The following KREMEN1 variants were observed in gnomAD, a reference collection of about 807,000 sequenced individuals.
KREMEN1 encodes the protein kremen protein 1.
Under a neutral mutation model 46.5 loss-of-function variants are expected in KREMEN1, and 30 were observed. The observed-to-expected ratio is 0.65, with a 90% CI of 0.48 to 0.88. The LOEUF (loss-of-function observed/expected upper bound fraction) is 0.88. Ranked by LOEUF, KREMEN1 falls within the 40% of genes least tolerant of loss-of-function variation. The pLI, the probability that KREMEN1 is intolerant of heterozygous loss-of-function variation, is 0.00. For missense variants in KREMEN1, 533 were observed against 596.9 expected (o/e 0.89, Z 1.11); for synonymous variants, 214 against 230.6 (o/e 0.93, Z 0.65).
intron 4 of KREMEN1, 151 bp downstream of exon 4, chr22:29,121,632 G>T: frequency 1.1e-6 from 1 of 934,502 alleles, no homozygotes; most frequent in South Asian, 1.7e-5. Context: ...GTCTAGAATA[G>T]GCAAATCCAT....
chr22:29,115,443 A>AC (rs1556008418), intron 3 of KREMEN1, among the ~76,000 whole-genome samples: 1 of 32,436 alleles, frequency 3.1e-5, no homozygotes, highest in East Asian at 3.3e-4. Flanking sequence ...AATAAAAAAA[A>AC]AAAAAACCAG....
downstream of KREMEN1, among the ~76,000 whole-genome samples, chr22:29,151,698 T>C (rs2038916302): frequency 6.6e-6 from 1 of 152,166 alleles, no homozygotes; most frequent in South Asian, 2.1e-4. Flanking sequence ...TTTTGATTTT[T>C]TCCCCCCAAA....
At chr22:29,156,616 C>T (rs1314008661) in intron 9 of KREMEN1, among the ~76,000 whole-genome samples, 5 of 152,144 alleles carry the variant, frequency 3.3e-5, no homozygotes, top group Non-Finnish European at 7.3e-5. Flanking sequence ...AAATGAGGTA[C>T]TAGGAACCCA....
chr22:29,159,911 G>A (rs2038995470), intron 9 of KREMEN1, among the ~76,000 whole-genome samples: 1 of 151,672 alleles, frequency 6.6e-6, no homozygotes, highest in Non-Finnish European at 1.5e-5. Flanking sequence ...AGGAGACCTG[G>A]ACTTTTTTTT....
intron 9 of KREMEN1, among the ~76,000 whole-genome samples, chr22:29,153,273 A>G (rs1387452255): frequency 1.3e-5 from 2 of 152,150 alleles, no homozygotes; most frequent in Admixed American, 1.3e-4. Flanking sequence ...TTGTGAAGCC[A>G]GTCCTGCCGA....
intron 1 of KREMEN1, among the ~76,000 whole-genome samples, chr22:29,091,253 T>G (rs1601758913): frequency 2.0e-5 from 3 of 152,144 alleles, no homozygotes; most frequent in South Asian, 2.1e-4. Flanking sequence ...GATTACAGGC[T>G]TGAGCCACTG....
At chr22:29,162,022 G>A (rs1020081405) in intron 9 of KREMEN1, among the ~76,000 whole-genome samples, 1 of 151,970 alleles carries the variant, frequency 6.6e-6, no homozygotes, top group African/African-American at 2.4e-5. Context: ...GGAGGCTGAG[G>A]CAGGAGAATC....
At chr22:29,121,758 G>A (rs1249108665) in intron 4 of KREMEN1, among the ~76,000 whole-genome samples, 1 of 152,130 alleles carries the variant, frequency 6.6e-6, no homozygotes, top group Non-Finnish European at 1.5e-5. Flanking sequence ...GAATTAGATG[G>A]CAGTGACTGC....
Position 29,125,423 on chromosome 22 carries a change from A to G in KREMEN1, c.631+7A>G. ...AGGATCATCCTCTTTGATAGTGAGT[A>G]TGCCCTGTGCCCATCACTGCCCAAG... On this transcript the variant is annotated splice_region_variant and intron_variant, in intron 5 of 8. Coordinates refer to ENST00000400335, the MANE Select transcript of KREMEN1 (RefSeq NM_001039570.3). 1.2e-6 allele frequency: 2 copies of G among 1,614,040 alleles called. No individual in the cohort carries two copies. The highest frequency in any genetic ancestry group is 1.3e-5 in the African/African-American group (1 of 75,024).
intron 3 of KREMEN1, among the ~76,000 whole-genome samples, chr22:29,114,486 C>CAA (rs134685): frequency 0.41 from 35,685 of 87,722 alleles, 8,010 homozygotes; most frequent in Middle Eastern, 0.51. Flanking sequence ...AACTCCGTGT[C>CAA]AAAAAAAAAA....
intron 9 of KREMEN1, among the ~76,000 whole-genome samples, chr22:29,161,506 CAAAAAAA>C (rs35296953): frequency 4.7e-4 from 30 of 63,356 alleles, no homozygotes; most frequent in Admixed American, 1.9e-3. Context: ...GACTCCATCT[CAAAAAAA>C]AAAAAAAAAA....
intron 2 of KREMEN1, 152 bp downstream of exon 2, chr22:29,094,572 TACACACACACACACACAC>T (rs134658): frequency 9.0e-5 from 23 of 255,768 alleles, no homozygotes; most frequent in African/African-American, 3.3e-4. Context: ...TTTCACACCT[TACACACACACACACACAC>T]ACACACACAC....
At chr22:29,120,035 A>G (rs59003094) in intron 3 of KREMEN1, among the ~76,000 whole-genome samples, 6,847 of 98,720 alleles carry the variant, frequency 0.069, 450 homozygotes, top group Middle Eastern at 0.13. Context: ...AGAGGGAGGA[A>G]GGAGAGGTGA....
intron 3 of KREMEN1, among the ~76,000 whole-genome samples, chr22:29,102,149 A>G (rs73154236): frequency 0.021 from 3,176 of 152,210 alleles, 52 homozygotes; most frequent in Non-Finnish European, 0.032. Context: ...CTCACCTCTC[A>G]GGTCAGGAGT....
chr22:29,143,209 C>T lies in KREMEN1; in HGVS notation c.*1097C>T. 1.0e-6 allele frequency: 1 copy of T among 985,376 alleles called. No homozygotes were observed. The highest frequency in any genetic ancestry group is 1.2e-6 in the Non-Finnish European group (1 of 829,936). 61.0% of individuals were successfully genotyped at this position (985,376 alleles called of 1,614,324 possible). ...CATTCATTTACTCATGCAATAAATT[C>T]TCCTGCAAGCTTTTATGGGCACTCA... On this transcript the variant is annotated 3_prime_UTR_variant, in exon 9 of 9. Coordinates refer to ENST00000400335, the MANE Select transcript of KREMEN1 (RefSeq NM_001039570.3).
chr22:29,096,709 A>G (rs2037888130), intron 2 of KREMEN1, among the ~76,000 whole-genome samples: 1 of 152,214 alleles, frequency 6.6e-6, no homozygotes, highest in Non-Finnish European at 1.5e-5. Context: ...CTTGTTCTTT[A>G]TTAAGCTATT....
intron 5 of KREMEN1, among the ~76,000 whole-genome samples, chr22:29,131,435 T>A (rs1746697911): frequency 6.7e-6 from 1 of 149,510 alleles, no homozygotes; most frequent in Non-Finnish European, 1.5e-5. Flanking sequence ...TTTTTTTTTT[T>A]ATCACCTCAC....
In KREMEN1 at chr22:29,073,540, G is replaced by A. The variant is rs1306167333; in HGVS notation, c.97+313G>A. Among the ~76,000 whole-genome samples, 1 of 151,970 alleles carries A rather than the reference G, an allele frequency of 6.6e-6. No individual in the cohort carries two copies. The highest frequency in any genetic ancestry group is 2.4e-5 in the African/African-American group (1 of 41,386). On this transcript the variant is annotated intron_variant, in intron 1 of 8. Coordinates refer to ENST00000400335, the MANE Select transcript of KREMEN1 (RefSeq NM_001039570.3). This position sits in a 1 kb window ranked among gnomAD's most constrained non-coding sequence, Gnocchi z 4.4. ...CCAAGACCCTCTGCGACGCCCCCCG[G>A]GCTGGGACATCTTCTCTGTCTCGGG... is the stretch of plus-strand genomic sequence containing the variant.
chr22:29,158,944 A>G (rs2038985929), intron 9 of KREMEN1, among the ~76,000 whole-genome samples: 1 of 151,824 alleles, frequency 6.6e-6, no homozygotes, highest in South Asian at 2.1e-4. Context: ...TCAGCCTCCC[A>G]AGTAGCTGGG....
Sources: gnomAD v4.1 joint callset for allele counts (sites outside exome capture counted in the v4.1 genomes callset) on GRCh38, gnomAD v4.1.1 for gene constraint, Gnocchi (gnomAD v3.1) non-coding constraint, MANE v1.5 for transcripts, NCBI Gene and HGNC (gene_info 2026-07-23, HGNC 2026-07-21) for gene names.